Variants in RABGAP1L observed in about 807,000 individuals in gnomAD.
The protein encoded by RABGAP1L is RAB GTPase activating protein 1 like, also known as rab GTPase-activating protein 1-like.
RABGAP1L carries 63 observed loss-of-function variants against 137.7 expected under a neutral mutation model. That is an observed-to-expected ratio of 0.46 (90% CI 0.37 to 0.56). RABGAP1L has a LOEUF of 0.56. RABGAP1L is among the 20% of genes least tolerant of loss of function. RABGAP1L has a pLI of 0.00. For missense variants in RABGAP1L, 1,095 were observed against 1,244.0 expected (o/e 0.88, Z 1.80); for synonymous variants, 431 against 433.7 (o/e 0.99, Z 0.08).
intron 19 of RABGAP1L, among the ~76,000 whole-genome samples, chr1:174,909,026 AC>A (rs1400896037): frequency 2.3e-5 from 3 of 133,046 alleles, no homozygotes; most frequent in Non-Finnish European, 4.9e-5. Flanking sequence ...ACAAAAAAAA[AC>A]CATTAACCAG....
At chr1:174,455,399 T>C (rs1655930946) in intron 13 of RABGAP1L, among the ~76,000 whole-genome samples, 1 of 152,116 alleles carries the variant, frequency 6.6e-6, no homozygotes, top group South Asian at 2.1e-4. Flanking sequence ...AATGGCAAAA[T>C]ATATATTATA....
chr1:174,318,628 CTTTCTTT>C (rs1168162759), intron 11 of RABGAP1L, among the ~76,000 whole-genome samples: 48 of 136,136 alleles, frequency 3.5e-4, no homozygotes, highest in African/African-American at 1.3e-3. Context: ...TTCTTTCTTT[CTTTCTTT>C]TTCTTTCTTT....
intron 13 of RABGAP1L, among the ~76,000 whole-genome samples, chr1:174,582,041 G>A (rs1039053750): frequency 2.6e-5 from 4 of 152,058 alleles, no homozygotes; most frequent in South Asian, 2.1e-4. Flanking sequence ...CTTAGCTGTC[G>A]GACAACCAGG....
At chr1:174,490,009 T>C (rs1660065362) in intron 13 of RABGAP1L, among the ~76,000 whole-genome samples, 1 of 152,150 alleles carries the variant, frequency 6.6e-6, no homozygotes, top group Admixed American at 6.5e-5. Context: ...AATTTCTTTG[T>C]GTTTTCTCAA....
At chr1:174,409,173 A>C (rs1649618291) in intron 13 of RABGAP1L, among the ~76,000 whole-genome samples, 1 of 152,164 alleles carries the variant, frequency 6.6e-6, no homozygotes, top group African/African-American at 2.4e-5. Context: ...GACCAGCTGG[A>C]GCTGCGGCAG....
At chr1:174,712,400 C>G (rs1014336379) in intron 17 of RABGAP1L, among the ~76,000 whole-genome samples, 22 of 152,018 alleles carry the variant, frequency 1.4e-4, no homozygotes, top group African/African-American at 4.6e-4. Context: ...CTGGGAGGGA[C>G]GAACAACTCC....
chr1:174,562,051 C>T (rs994131008), intron 13 of RABGAP1L, among the ~76,000 whole-genome samples: 2 of 152,150 alleles, frequency 1.3e-5, no homozygotes, highest in African/African-American at 4.8e-5. Context: ...GAGACAGTAT[C>T]ATCAGAAGGA....
At chr1:174,467,291 T>G (rs1314794553) in intron 13 of RABGAP1L, among the ~76,000 whole-genome samples, 1 of 152,166 alleles carries the variant, frequency 6.6e-6, no homozygotes, top group Non-Finnish European at 1.5e-5. Context: ...AAAATTTGTC[T>G]TCTCTGTAGT....
chr1:174,346,362 A>G (rs1192875279), intron 11 of RABGAP1L, among the ~76,000 whole-genome samples: 1 of 152,164 alleles, frequency 6.6e-6, no homozygotes, highest in African/African-American at 2.4e-5. Context: ...TGATGAAGCC[A>G]TCAGATCCTG....
intron 7 of RABGAP1L, among the ~76,000 whole-genome samples, chr1:174,263,279 C>A (rs1673757696): frequency 6.6e-6 from 1 of 152,220 alleles, no homozygotes; most frequent in South Asian, 2.1e-4. Context: ...GGCTGTAATC[C>A]TGCCTTCTCC....
chr1:174,465,386 C>T (rs1657177778), intron 13 of RABGAP1L, among the ~76,000 whole-genome samples: 1 of 151,408 alleles, frequency 6.6e-6, no homozygotes. Context: ...TTTTAGTAGG[C>T]TCTGGGTTTC....
intron 13 of RABGAP1L, among the ~76,000 whole-genome samples, chr1:174,442,782 A>T (rs746501987): frequency 2.6e-5 from 4 of 152,258 alleles, no homozygotes; most frequent in Non-Finnish European, 5.9e-5. Flanking sequence ...TAAATTGTTA[A>T]CTATAATCTC....
intron 19 of RABGAP1L, among the ~76,000 whole-genome samples, chr1:174,882,033 G>A (rs953452452): frequency 3.8e-4 from 57 of 151,960 alleles, no homozygotes; most frequent in Admixed American, 2.6e-4. Context: ...GGCTAATTTT[G>A]TATTTTTAAT....
intron 18 of RABGAP1L, among the ~76,000 whole-genome samples, chr1:174,795,797 A>G (rs1688200610): frequency 6.6e-6 from 1 of 152,146 alleles, no homozygotes; most frequent in Non-Finnish European, 1.5e-5. Flanking sequence ...GCTGGTCTTG[A>G]ACTCCTGGGC....
In RABGAP1L at chr1:174,460,688, G is replaced by C. The variant is rs544137109; in HGVS notation, c.1710+66543G>C. 6.8e-4 allele frequency among the ~76,000 whole-genome samples: 103 copies of C among 152,228 alleles called. 1 individual carries two copies. The highest frequency in any genetic ancestry group is 2.3e-3 in the African/African-American group (95 of 41,550). On this transcript the variant is annotated intron_variant, in intron 13 of 25. Transcript: ENST00000681986. ...TCACACTAATAATGTATCAAACTAT[G>C]ATGATTCATTGCAAACTTGCTAGCA... is the stretch of plus-strand genomic sequence containing the variant.
At chr1:174,731,393 A>G (rs910291793) in intron 17 of RABGAP1L, among the ~76,000 whole-genome samples, 1 of 152,204 alleles carries the variant, frequency 6.6e-6, no homozygotes, top group Non-Finnish European at 1.5e-5. Context: ...CTGTCTGGAT[A>G]CTTGTCATGT....
At chr1:174,383,112 G>C (rs1441848228) in intron 12 of RABGAP1L, among the ~76,000 whole-genome samples, 1 of 150,990 alleles carries the variant, frequency 6.6e-6, no homozygotes. Flanking sequence ...GGGGGTCAGG[G>C]GTCAGGGACC....
At chr1:174,587,445 A>G (rs1432917551) in intron 13 of RABGAP1L, among the ~76,000 whole-genome samples, 1 of 115,282 alleles carries the variant, frequency 8.7e-6, no homozygotes, top group East Asian at 2.5e-4. Context: ...AAGTATAATA[A>G]TAATAAATAA....
At chr1:174,938,886 CCA>C (rs1230883948) in intron 19 of RABGAP1L, among the ~76,000 whole-genome samples, 1 of 152,146 alleles carries the variant, frequency 6.6e-6, no homozygotes. Context: ...TCATGCCTCC[CCA>C]CAGTTTCCAT....
Sources: allele counts gnomAD v4.1 joint callset (sites outside exome capture counted in the v4.1 genomes callset), GRCh38; gene constraint gnomAD v4.1.1; transcripts MANE v1.5; gene names NCBI Gene and HGNC (gene_info 2026-07-23, HGNC 2026-07-21).